The following DRC3 variants were observed in gnomAD, a reference collection of about 807,000 sequenced individuals.
DRC3 encodes the protein leucine rich repeat containing 48.
In DRC3, 45 loss-of-function variants were observed where a neutral mutation model predicts 57.6. The ratio of observed to expected loss-of-function variants is 0.78; its 90% CI spans 0.62 to 1.00. The LOEUF is 1.00. Ranked by LOEUF, DRC3 falls within the 50% of genes least tolerant of loss-of-function variation. The probability of loss-of-function intolerance (pLI) is 0.00; values close to 1 mark genes in which losing one functional copy is unlikely to be tolerated. For synonymous variants in DRC3, 257 were observed against 272.3 expected (o/e 0.94, Z 0.55); for missense variants, 655 against 675.2 (o/e 0.97, Z 0.33).
At chr17:17,984,585 T>A (rs1422593823) in intron 4 of DRC3, among the ~76,000 whole-genome samples, 1 of 152,138 alleles carries the variant, frequency 6.6e-6, no homozygotes, top group African/African-American at 2.4e-5. Context: ...GCCTGAGAGC[T>A]CCTTATGCCC....
At chr17:17,978,714 G>A (rs1162418475) in intron 3 of DRC3, among the ~76,000 whole-genome samples, 17 of 152,184 alleles carry the variant, frequency 1.1e-4, no homozygotes, top group Non-Finnish European at 2.2e-4. Context: ...AATCAGGGAG[G>A]GCCCTGAGCC....
intron 9 of DRC3, among the ~76,000 whole-genome samples, chr17:18,001,941 C>A (rs549357822): frequency 1.3e-5 from 2 of 150,426 alleles, no homozygotes; most frequent in East Asian, 4.0e-4. Flanking sequence ...CCAAGGCGGG[C>A]GGGTCACCTG....
chr17:17,989,764 C>A (rs2043140380), intron 5 of DRC3, among the ~76,000 whole-genome samples: 1 of 152,200 alleles, frequency 6.6e-6, no homozygotes, highest in Non-Finnish European at 1.5e-5. Flanking sequence ...CTGAGGGAGA[C>A]CCCAGGGGGA....
chr17:18,009,851 G>T (rs536476405), intron 12 of DRC3, among the ~76,000 whole-genome samples: 1 of 152,304 alleles, frequency 6.6e-6, no homozygotes, highest in South Asian at 2.1e-4. Flanking sequence ...CCTACATGGG[G>T]CCAATCTGTC....
chr17:17,987,813 C>A, intron 4 of DRC3, 119 bp from the exon 5 acceptor site: 1 of 1,008,462 alleles, frequency 9.9e-7, no homozygotes, highest in Non-Finnish European at 1.4e-6. Flanking sequence ...GAGTCAAATT[C>A]TGGCCCTGGC....
At chr17:17,982,837 G>A (rs1339847870) in intron 3 of DRC3, among the ~76,000 whole-genome samples, 1 of 152,096 alleles carries the variant, frequency 6.6e-6, no homozygotes, top group Non-Finnish European at 1.5e-5. Flanking sequence ...GCCTCCCAAA[G>A]TGCTGTGATT....
At chr17:18,001,538 C>G (rs1597619929) in intron 9 of DRC3, among the ~76,000 whole-genome samples, 1 of 152,120 alleles carries the variant, frequency 6.6e-6, no homozygotes, top group East Asian at 1.9e-4. Flanking sequence ...TTTGTAGGAG[C>G]TCTTTGTAGA....
At chr17:18,012,383 G>A (rs1196251837) in intron 12 of DRC3, among the ~76,000 whole-genome samples, 1 of 152,146 alleles carries the variant, frequency 6.6e-6, no homozygotes, top group Non-Finnish European at 1.5e-5. Flanking sequence ...AGACCTACAT[G>A]TAAGACCTGA....
At chr17:18,004,676 T>G (rs2043880638) in intron 10 of DRC3, 182 bp downstream of exon 10, 5 of 619,326 alleles carry the variant, frequency 8.1e-6, no homozygotes, top group Non-Finnish European at 1.4e-5. Flanking sequence ...TCATTTACAT[T>G]GGAAGTGATT....
chr17:17,987,155 C>T (rs1045150655), intron 4 of DRC3, among the ~76,000 whole-genome samples: 3 of 123,618 alleles, frequency 2.4e-5, no homozygotes, highest in Non-Finnish European at 4.7e-5. Context: ...GTCAAGGATG[C>T]AATGAACCGT....
intron 2 of DRC3, 77 bp from the exon 3 acceptor site, chr17:17,977,504 AG>A (rs2042443318): frequency 1.3e-6 from 2 of 1,555,748 alleles, no homozygotes; most frequent in Admixed American, 1.7e-5. Context: ...AAGACACTAC[AG>A]GGGGAAACCT....
chr17:18,011,715 G>C (rs1291024417), intron 12 of DRC3: 1 of 206,152 alleles, frequency 4.9e-6, no homozygotes. Flanking sequence ...CTGACCTCTG[G>C]GAGGAGACTG....
intron 7 of DRC3, 94 bp downstream of exon 7, chr17:17,994,512 C>G: frequency 6.8e-7 from 1 of 1,469,966 alleles, no homozygotes; most frequent in Non-Finnish European, 9.1e-7. Flanking sequence ...TCCCCAGGCT[C>G]TGAAAACACA....
rs1314039058 is a variant in DRC3, at chr17:17,992,620, C to T, written c.445-145C>T. 33 of 828,274 alleles carry T rather than the reference C, an allele frequency of 4.0e-5. No individual in the cohort carries two copies. The Admixed American group carries it at 8.9e-4, about 22-fold the overall frequency. The allele number at this position is 828,274 out of a possible 1,614,324, so 51.3% of individuals were successfully genotyped here. A position where few individuals can be genotyped will look rare whatever the true frequency, so the allele number is the denominator to read the frequency against. On this transcript the variant is annotated intron_variant, in intron 5 of 13. Transcript: ENST00000399187. ...CTTCCCAGCCTGGAACACCCCCACG[C>T]CTGCACACTGCCTGTCACCCCACCC...
intron 6 of DRC3, 160 bp downstream of exon 6, chr17:17,993,071 T>A: frequency 2.7e-6 from 2 of 728,468 alleles, no homozygotes; most frequent in Admixed American, 2.8e-5. Flanking sequence ...TCTGTCAGAG[T>A]GATTCCAGCA....
chr17:17,996,271 C>T (rs911206718), intron 8 of DRC3, among the ~76,000 whole-genome samples: 16 of 152,224 alleles, frequency 1.1e-4, no homozygotes, highest in Admixed American at 6.5e-4. Flanking sequence ...CTGCCTCGGC[C>T]TTCCAAAGTG....
In DRC3 at chr17:18,016,105, A is replaced by G. The variant is rs780351895; in HGVS notation, c.1368A>G (p.Ala456=). The G allele has an allele frequency of 6.2e-6, 10 of 1,613,988 alleles. No homozygotes were observed. In the East Asian group the frequency reaches 2.2e-4, roughly 36 times the overall value. The change falls in exon 13 of 14, where the codon GCA becomes GCG. Residue 456 remains alanine, a synonymous_variant. Coordinates refer to ENST00000399187, the MANE Select transcript of DRC3 (RefSeq NM_031294.4). ...ATACGATTGTTAATGCTGTCGGGGC[A>G]TCGCACGACATCCACCTCCTGAAGA... ...DKDTIVNAVG[A]SHDIHLLKID...
chr17:18,004,306 G>A, intron 9 of DRC3, 57 bp from the exon 10 acceptor site: 1 of 1,544,030 alleles, frequency 6.5e-7, no homozygotes, highest in East Asian at 2.4e-5. Context: ...ATTGCCACCT[G>A]CCATTATCTA....
At chr17:18,007,519 A>G in intron 12 of DRC3, 1 of 1,546,444 alleles carries the variant, frequency 6.5e-7, no homozygotes, top group Non-Finnish European at 8.7e-7. Flanking sequence ...AGTCTGTATA[A>G]TGAGTACTGT....
Sources: gnomAD v4.1 joint callset for allele counts (sites outside exome capture counted in the v4.1 genomes callset) on GRCh38, gnomAD v4.1.1 for gene constraint, MANE v1.5 for transcripts, NCBI Gene and HGNC (gene_info 2026-07-23, HGNC 2026-07-21) for gene names.